SULF2: variants seen among roughly 807,000 people sequenced by gnomAD.
SULF2 encodes extracellular sulfatase Sulf-2.
SULF2 carries 52 observed loss-of-function variants against 107.7 expected under a neutral mutation model. The ratio of observed to expected loss-of-function variants is 0.48; its 90% CI spans 0.39 to 0.61. The LOEUF (loss-of-function observed/expected upper bound fraction) is 0.61, where lower values mean the gene tolerates loss of function less well. SULF2 is among the 20% of genes least tolerant of loss of function. The probability of loss-of-function intolerance (pLI) is 0.00; values close to 1 mark genes in which losing one functional copy is unlikely to be tolerated. For missense variants in SULF2, 993 were observed against 1,177.3 expected, an observed-to-expected ratio of 0.84 and a Z score of 2.29; for synonymous variants, 460 against 464.3, an observed-to-expected ratio of 0.99 and a Z score of 0.12.
At chr20:47,750,418 T>A (rs952501425) in intron 2 of SULF2, among the ~76,000 whole-genome samples, 1 of 152,246 alleles carries the variant, frequency 6.6e-6, no homozygotes, top group African/African-American at 2.4e-5. Flanking sequence ...GTATCAGCTC[T>A]ACCTTTGAAA....
At chr20:47,755,459 T>C (rs2090259182) in intron 2 of SULF2, among the ~76,000 whole-genome samples, 1 of 152,204 alleles carries the variant, frequency 6.6e-6, no homozygotes, top group Non-Finnish European at 1.5e-5. Context: ...AAATGTGTTG[T>C]TCCTAAGAGT....
chr20:47,704,170 A>C (rs2146607093), intron 3 of SULF2, among the ~76,000 whole-genome samples: 1 of 152,364 alleles, frequency 6.6e-6, no homozygotes, highest in South Asian at 2.1e-4. Flanking sequence ...CAAAGCTTAA[A>C]GAAAATCACC....
At chr20:47,744,591 C>A (rs1441043578) in intron 2 of SULF2, among the ~76,000 whole-genome samples, 2 of 152,080 alleles carry the variant, frequency 1.3e-5, no homozygotes, top group Non-Finnish European at 2.9e-5. Context: ...AGTGGGCTTT[C>A]TATAGATGAC....
chr20:47,745,399 AAAAAAAAAAAAATATATATAT>A (rs1393281332), intron 2 of SULF2, among the ~76,000 whole-genome samples: 18 of 27,730 alleles, frequency 6.5e-4, no homozygotes, highest in African/African-American at 3.3e-3. Flanking sequence ...AAAAAAAAAA[AAAAAAAAAAAAATATATATAT>A]ATATATATAT....
intron 10 of SULF2, 125 bp downstream of exon 10, chr20:47,676,369 G>A: frequency 9.5e-7 from 1 of 1,049,356 alleles, no homozygotes; most frequent in East Asian, 2.6e-5. Flanking sequence ...GGCACCACAC[G>A]GCAGCAAAGG....
chr20:47,782,136 A>G (rs999990782), intron 1 of SULF2, among the ~76,000 whole-genome samples: 4 of 152,094 alleles, frequency 2.6e-5, no homozygotes, highest in Admixed American at 2.6e-4. Flanking sequence ...CTGATACTCC[A>G]TTTGCAACTT....
chr20:47,720,322 T>C (rs1267035435), intron 3 of SULF2, among the ~76,000 whole-genome samples: 1 of 152,036 alleles, frequency 6.6e-6, no homozygotes, highest in African/African-American at 2.4e-5. Flanking sequence ...AGTGACATGA[T>C]CTTGGCTCAC....
Position 47,666,262 on chromosome 20 carries a change from A to G in SULF2, c.1803T>C (p.His601=), listed in dbSNP as rs1363887230. ...TCGACTTCCACCTGGACACTCACCG[A>G]TGTGTCACTTTAATGGGGTTGGCGG... ...YSAANPIKVT[H]RCYILENDTV... The change falls in exon 12 of 21, where the codon CAT becomes CAC. Residue 601 remains histidine, a splice_region_variant and synonymous_variant. Coordinates refer to ENST00000688720, the MANE Select transcript of SULF2 (RefSeq NM_001387048.1). This position sits in a 1 kb window ranked among gnomAD's most constrained non-coding sequence, Gnocchi z 5.4. 1.2e-6 allele frequency: 2 copies of G among 1,612,898 alleles called. No individual in the cohort carries two copies. The highest frequency in any genetic ancestry group is 2.7e-5 in the African/African-American group (2 of 74,680).
chr20:47,682,730 C>T (rs1198774693), intron 7 of SULF2, among the ~76,000 whole-genome samples: 10 of 152,196 alleles, frequency 6.6e-5, no homozygotes, highest in East Asian at 1.9e-4. Context: ...TGCATGTGCG[C>T]GCACACACGT....
At chr20:47,769,986 A>G (rs1277921236) in intron 1 of SULF2, among the ~76,000 whole-genome samples, 1 of 147,796 alleles carries the variant, frequency 6.8e-6, no homozygotes, top group Non-Finnish European at 1.5e-5. Flanking sequence ...GGGGGCACGC[A>G]TGGCGGCACG....
chr20:47,765,351 TA>T (rs71183276), intron 1 of SULF2, among the ~76,000 whole-genome samples: 15,972 of 122,792 alleles, frequency 0.13, 885 homozygotes, highest in Admixed American at 0.17. Context: ...GACACTGCCT[TA>T]AAAAAAAACA....
At chr20:47,677,808 T>G (rs6094777) in intron 8 of SULF2, 127,723 of 152,822 alleles carry the variant, frequency 0.84, 53,479 homozygotes, top group East Asian at 0.95. Context: ...CATGTCCATT[T>G]TATACCATTA....
At chr20:47,749,567 G>A (rs2090117934) in intron 2 of SULF2, among the ~76,000 whole-genome samples, 1 of 152,220 alleles carries the variant, frequency 6.6e-6, no homozygotes, top group Non-Finnish European at 1.5e-5. Context: ...TGTTGTCCTG[G>A]GCTTCCAGCC....
chr20:47,735,820 C>T (rs891852308), intron 3 of SULF2, among the ~76,000 whole-genome samples: 5 of 152,126 alleles, frequency 3.3e-5, no homozygotes, highest in Admixed American at 6.5e-5. Context: ...TGCCCAGCCT[C>T]GAGGGCTGCA....
At position 47,660,174 on chromosome 20, in the gene SULF2, T is replaced by C. The variant is rs550508228; in HGVS notation, c.2495-444A>G. ...CGGGGTCAGCCCACCTTGTTCACCTTACTCCTCCATAAAATGAGGATAAGA... is the reference window on the plus strand; with the variant it reads ...CGGGGTCAGCCCACCTTGTTCACCTCACTCCTCCATAAAATGAGGATAAGA... On this transcript the variant is annotated intron_variant, in intron 18 of 20. Transcript: ENST00000688720. 2.0e-4 allele frequency among the ~76,000 whole-genome samples: 31 copies of C among 152,358 alleles called. 1 individual carries two copies. The highest frequency in any genetic ancestry group is 1.0e-3 in the South Asian group (5 of 4,832).
intron 3 of SULF2, among the ~76,000 whole-genome samples, chr20:47,720,192 A>T (rs2089246269): frequency 1.3e-5 from 2 of 151,976 alleles, no homozygotes; most frequent in South Asian, 4.2e-4. Context: ...TGACCTCATG[A>T]TTCACCTGCT....
At chr20:47,756,894 C>T (rs1460870878) in intron 2 of SULF2, among the ~76,000 whole-genome samples, 1 of 152,194 alleles carries the variant, frequency 6.6e-6, no homozygotes, top group Non-Finnish European at 1.5e-5. Context: ...GATCCACCTG[C>T]CTCGGCCTCC....
intron 5 of SULF2, among the ~76,000 whole-genome samples, chr20:47,689,369 ACT>A (rs1397487965): frequency 2.0e-5 from 3 of 151,914 alleles, no homozygotes; most frequent in Non-Finnish European, 4.4e-5. Context: ...TCTTGGCCTT[ACT>A]CTCTCTCTGA....
intron 3 of SULF2, among the ~76,000 whole-genome samples, chr20:47,726,999 C>A (rs955213253): frequency 5.4e-5 from 8 of 149,304 alleles, no homozygotes; most frequent in African/African-American, 1.7e-4. Flanking sequence ...ACAGCTGGGG[C>A]AGTGAAGAGG....
Sources: allele counts gnomAD v4.1 joint callset (sites outside exome capture counted in the v4.1 genomes callset), GRCh38; gene constraint gnomAD v4.1.1; non-coding constraint Gnocchi (gnomAD v3.1); transcripts MANE v1.5; gene names NCBI Gene and HGNC (gene_info 2026-07-23, HGNC 2026-07-21).